ADORA2B: variants seen among roughly 807,000 people sequenced by gnomAD.
The protein encoded by ADORA2B is adenosine receptor A2b.
A neutral mutation model predicts 20.8 loss-of-function variants in ADORA2B; 18 were observed. The observed-to-expected ratio is 0.87, with a 90% CI of 0.60 to 1.29. ADORA2B has a LOEUF of 1.29. Ranked by LOEUF, ADORA2B falls within the 50% of genes most tolerant of loss-of-function variation. The probability of loss-of-function intolerance (pLI) is 0.00; values close to 1 mark genes in which losing one functional copy is unlikely to be tolerated. For missense variants in ADORA2B, 441 were observed against 422.7 expected (o/e 1.04, Z -0.38); for synonymous variants, 179 against 178.3 (o/e 1.00, Z -0.03).
chr17:15,975,121 C>T lies in ADORA2B; in HGVS notation c.778C>T (p.Gln260Ter). 6.2e-7 allele frequency: 1 copy of T among 1,614,188 alleles called. No individual in the cohort carries two copies. The highest frequency in any genetic ancestry group is 8.5e-7 in the Non-Finnish European group (1 of 1,180,028). The change falls in exon 2 of 2, where the codon CAG (glutamine) becomes TAG (stop). Residue 260 changes from glutamine to a stop codon, truncating the protein, a stop_gained. Transcript: ENST00000304222. LOFTEE classifies it high-confidence loss of function. ...TGCTGTTAACTGTGTCACTCTTTTC[C>T]AGCCAGCTCAGGGTAAAAATAAGCC... ...VHAVNCVTLF[Q>*]PAQGKNKPKW...
the ADORA2B span, among the ~76,000 whole-genome samples, chr17:15,932,800 A>G: frequency 3.3e-5 from 5 of 152,270 alleles, no homozygotes; most frequent in East Asian, 9.6e-4. Flanking sequence ...TAATTCATCA[A>G]TCTATATGTC....
the ADORA2B span, among the ~76,000 whole-genome samples, chr17:15,908,047 A>T: frequency 3.3e-5 from 5 of 152,058 alleles, no homozygotes; most frequent in Admixed American, 6.5e-5. Flanking sequence ...TAATTTAAAA[A>T]CTTGGAAATC....
the ADORA2B span, among the ~76,000 whole-genome samples, chr17:15,853,300 C>T: frequency 2.0e-5 from 3 of 152,094 alleles, no homozygotes; most frequent in Admixed American, 6.5e-5. Context: ...AAGGAAGATG[C>T]TTTCAGTACA....
chr17:15,942,557 G>T (rs999602093), upstream of ADORA2B, among the ~76,000 whole-genome samples: 1 of 152,164 alleles, frequency 6.6e-6, no homozygotes, highest in Admixed American at 6.5e-5. Flanking sequence ...CCTGATGGAG[G>T]TTGGGCTCTG....
At chr17:15,951,066 A>C (rs1969895452) in intron 1 of ADORA2B, among the ~76,000 whole-genome samples, 1 of 152,214 alleles carries the variant, frequency 6.6e-6, no homozygotes, top group Non-Finnish European at 1.5e-5. Flanking sequence ...GGCACATGTC[A>C]GGCTACGTCA....
the ADORA2B span, among the ~76,000 whole-genome samples, chr17:15,913,806 C>T: frequency 6.6e-6 from 1 of 152,338 alleles, no homozygotes. Flanking sequence ...ATTTATATCA[C>T]CCTTTAAACC....
At chr17:15,946,348 A>G (rs1969806072) in intron 1 of ADORA2B, among the ~76,000 whole-genome samples, 1 of 152,188 alleles carries the variant, frequency 6.6e-6, no homozygotes, top group African/African-American at 2.4e-5. Context: ...TGGCGAACTT[A>G]CTTGTCCACT....
chr17:15,908,338 G>A, the ADORA2B span, among the ~76,000 whole-genome samples: 1,239 of 152,324 alleles, frequency 8.1e-3, 14 homozygotes, highest in African/African-American at 0.029. Flanking sequence ...TTGGAAAGGG[G>A]TAGTATCTCC....
chr17:15,940,750 C>G (rs567961054), upstream of ADORA2B, among the ~76,000 whole-genome samples: 1 of 152,362 alleles, frequency 6.6e-6, no homozygotes, highest in Non-Finnish European at 1.5e-5. Flanking sequence ...TTGGTCAAAG[C>G]CAGGCATGAT....
the ADORA2B span, among the ~76,000 whole-genome samples, chr17:15,928,088 G>A: frequency 1.3e-5 from 2 of 152,168 alleles, no homozygotes; most frequent in East Asian, 1.9e-4. Context: ...GATTATAGGC[G>A]TGAGCCACCA....
At chr17:15,908,909 G>T in the ADORA2B span, among the ~76,000 whole-genome samples, 2 of 152,020 alleles carry the variant, frequency 1.3e-5, no homozygotes, top group Non-Finnish European at 2.9e-5. Context: ...CCACCCACAG[G>T]CTTGTTTTGC....
chr17:15,868,538 C>T, the ADORA2B span, among the ~76,000 whole-genome samples: 6 of 136,474 alleles, frequency 4.4e-5, no homozygotes, highest in South Asian at 2.4e-4. Context: ...TTTGGGAGGC[C>T]GAGGCGGGCG....
chr17:15,905,558 T>C, the ADORA2B span, among the ~76,000 whole-genome samples: 2 of 152,078 alleles, frequency 1.3e-5, no homozygotes, highest in Non-Finnish European at 2.9e-5. Context: ...TTTTTTGTAT[T>C]TTTAGTAGAG....
chr17:15,869,766 TACAC>T, the ADORA2B span, among the ~76,000 whole-genome samples: 1 of 152,138 alleles, frequency 6.6e-6, no homozygotes, highest in African/African-American at 2.4e-5. Flanking sequence ...TGAATTAAAA[TACAC>T]ACATAAAAGA....
chr17:15,964,909 AAATT>A (rs1314251034), intron 1 of ADORA2B, among the ~76,000 whole-genome samples: 3 of 151,892 alleles, frequency 2.0e-5, no homozygotes, highest in Non-Finnish European at 4.4e-5. Flanking sequence ...AAAATACAAA[AAATT>A]AGCCCGTGTG....
At chr17:15,865,201 G>A in the ADORA2B span, among the ~76,000 whole-genome samples, 4 of 151,908 alleles carry the variant, frequency 2.6e-5, no homozygotes, top group Non-Finnish European at 4.4e-5. Context: ...TAAGTTTTTT[G>A]TGCGTGTGAA....
At chr17:15,886,181 T>G in the ADORA2B span, among the ~76,000 whole-genome samples, 1 of 152,206 alleles carries the variant, frequency 6.6e-6, no homozygotes, top group Non-Finnish European at 1.5e-5. Flanking sequence ...TGAGGACTTA[T>G]TAGAAAGAAA....
At position 15,975,534 on chromosome 17, in the gene ADORA2B, T is replaced by C. The variant is rs1250720394; in HGVS notation, c.*192T>C. ...AGTAGGCTCCAAGGATTGACAAATATATTTATGATCTATTCAGCTGCTTTT... is the reference window on the plus strand; with the variant it reads ...AGTAGGCTCCAAGGATTGACAAATACATTTATGATCTATTCAGCTGCTTTT... On this transcript the variant is annotated 3_prime_UTR_variant, in exon 2 of 2. Transcript: ENST00000304222. The C allele has an allele frequency of 8.2e-6, 5 of 606,222 alleles. No homozygotes were observed. In the African/African-American group the frequency reaches 9.3e-5, roughly 11 times the overall value. 37.6% of individuals were successfully genotyped at this position (606,222 alleles called of 1,614,324 possible).
chr17:15,957,701 A>G (rs1044683140), intron 1 of ADORA2B, among the ~76,000 whole-genome samples: 2 of 151,646 alleles, frequency 1.3e-5, no homozygotes, highest in Non-Finnish European at 2.9e-5. Flanking sequence ...TCTGGACCCA[A>G]CTCCTGCTTT....
Sources: gnomAD v4.1 joint callset for allele counts (sites outside exome capture counted in the v4.1 genomes callset) on GRCh38, gnomAD v4.1.1 for gene constraint, MANE v1.5 for transcripts, NCBI Gene and HGNC (gene_info 2026-07-23, HGNC 2026-07-21) for gene names.